Variants in CHFR observed in about 807,000 individuals in gnomAD.
CHFR encodes E3 ubiquitin-protein ligase CHFR.
Under a neutral mutation model 87.6 loss-of-function variants are expected in CHFR, and 57 were observed. The ratio of observed to expected loss-of-function variants is 0.65; its 90% confidence interval spans 0.53 to 0.81. CHFR has a LOEUF of 0.81. Among genes scored for constraint, CHFR ranks in the 30% least tolerant of loss-of-function variants. The pLI, the probability that CHFR is intolerant of heterozygous loss-of-function variation, is 0.00. For missense variants in CHFR, 797 were observed against 865.8 expected (o/e 0.92, Z 1.00); for synonymous variants, 381 against 359.2 (o/e 1.06, Z -0.69).
intron 2 of CHFR, among the ~76,000 whole-genome samples, chr12:132,881,589 C>T (rs34287227): frequency 0.06 from 9,134 of 152,098 alleles, 375 homozygotes; most frequent in East Asian, 0.13. Context: ...GACCACGGGC[C>T]GGGCACGGTG....
At chr12:132,860,006 C>T (rs930123198) in intron 7 of CHFR, among the ~76,000 whole-genome samples, 1 of 152,120 alleles carries the variant, frequency 6.6e-6, no homozygotes. Context: ...GACTGCACCA[C>T]GGCGCTCTGG....
chr12:132,872,189 C>G, intron 4 of CHFR, 96 bp downstream of exon 4: 2 of 758,132 alleles, frequency 2.6e-6, no homozygotes, highest in Non-Finnish European at 4.7e-6. Context: ...AGGAACGTTC[C>G]TATGGGAAGG....
intron 12 of CHFR, among the ~76,000 whole-genome samples, chr12:132,850,322 A>C (rs889737962): frequency 6.6e-6 from 1 of 152,220 alleles, no homozygotes; most frequent in East Asian, 1.9e-4. Context: ...CTTAAGTCTT[A>C]TAACGCCTAC....
In CHFR at chr12:132,861,452, C is replaced by A. The variant is rs576667508; in HGVS notation, c.751+15G>T. 4 of 1,613,316 alleles carry A rather than the reference C, an allele frequency of 2.5e-6. No homozygotes were observed. The highest frequency in any genetic ancestry group is 3.4e-6 in the Non-Finnish European group (4 of 1,179,306). ...CACACGAGAGGACTGAGGACACACA[C>A]AACCAGACACTAACCTCCTCTCATT... is the stretch of plus-strand genomic sequence containing the variant. On this transcript the variant is annotated intron_variant, in intron 7 of 17. Coordinates refer to ENST00000450056, the MANE Select transcript of CHFR (RefSeq NM_001161346.2).
In CHFR at chr12:132,839,445, A is replaced by C. The variant is rs1950673231; in HGVS notation, c.*2109T>G. On this transcript the variant is annotated 3_prime_UTR_variant, in exon 18 of 18. Transcript: ENST00000450056. ...GGCCTCACCCCTGCACAAACTTGGG[A>C]CCTCCCCCTCTCAGCCTCACCCCTG... 1.1e-5 allele frequency: 1 copy of C among 94,712 alleles called. No individual in the cohort carries two copies. The highest frequency in any genetic ancestry group is 2.0e-5 in the Non-Finnish European group (1 of 50,988). The allele number at this position is 94,712 out of a possible 1,614,324, so 5.9% of individuals were successfully genotyped here.
chr12:132,877,550 C>T lies in CHFR; in HGVS notation c.233+5G>A, dbSNP rs758993113. ...AACACCAAAAGAAGCTCAGAACATA[C>T]TCACCTGGTATCTTCCAGTGTCACC... On this transcript the variant is annotated splice_donor_5th_base_variant and intron_variant, in intron 3 of 17. Transcript: ENST00000450056. 6.3e-7 allele frequency: 1 copy of T among 1,591,016 alleles called. No individual in the cohort carries two copies. The highest frequency in any genetic ancestry group is 1.1e-5 in the South Asian group (1 of 89,542).
rs1181547576 is a variant in CHFR at position 132,836,707 on chromosome 12, C to T, written c.*4847G>A. 2.2e-6 allele frequency: 1 copy of T among 456,104 alleles called. No homozygotes were observed. The highest frequency in any genetic ancestry group is 1.5e-5 in the South Asian group (1 of 64,564). 28.3% of individuals were successfully genotyped at this position (456,104 alleles called of 1,614,324 possible). A position where few individuals can be genotyped will look rare whatever the true frequency, so the allele number is the denominator to read the frequency against. On this transcript the variant is annotated 3_prime_UTR_variant, in exon 18 of 18. Coordinates refer to ENST00000450056, the MANE Select transcript of CHFR (RefSeq NM_001161346.2). ...TTAAGACCCCACCATCTAGACTCACCGCCTCAGAAGGAGACAACCGTGAAA... is the reference window on the plus strand; with the variant it reads ...TTAAGACCCCACCATCTAGACTCACTGCCTCAGAAGGAGACAACCGTGAAA...
chr12:132,882,548 G>A (rs1219380665), intron 2 of CHFR, among the ~76,000 whole-genome samples: 1 of 152,096 alleles, frequency 6.6e-6, no homozygotes, highest in Non-Finnish European at 1.5e-5. Flanking sequence ...ACTATTGGAA[G>A]TACTGTATCC....
chr12:132,862,346 A>G (rs1274177364), intron 6 of CHFR: 1 of 410,722 alleles, frequency 2.4e-6, no homozygotes, highest in Non-Finnish European at 4.8e-6. Context: ...TAATCACAAT[A>G]CTTTGGGAGG....
Position 132,848,737 on chromosome 12 carries a change from G to C in CHFR, c.1493-13C>G, listed in dbSNP as rs1182916981. 2 of 1,569,800 alleles carry C rather than the reference G, an allele frequency of 1.3e-6. No individual in the cohort carries two copies. Among genetic ancestry groups the C allele is most frequent in the Non-Finnish European group, 1.7e-6 (2 of 1,156,172 alleles). ...AGGCAGACCGCACCTGTGGAGAGAG[G>C]ACACTCGTTACACGCACTCAGCGCT... On this transcript the variant is annotated splice_polypyrimidine_tract_variant and intron_variant, in intron 12 of 17. Transcript: ENST00000450056.
At chr12:132,854,996 C>G (rs1017997085) in intron 10 of CHFR, 9 of 152,044 alleles carry the variant, frequency 5.9e-5, no homozygotes, top group Non-Finnish European at 8.8e-5. Context: ...AATCCCAGCA[C>G]TTTGAGAGGC....
At chr12:132,850,322 A>G (rs889737962) in intron 12 of CHFR, among the ~76,000 whole-genome samples, 3 of 152,220 alleles carry the variant, frequency 2.0e-5, no homozygotes, top group African/African-American at 4.8e-5. Context: ...CTTAAGTCTT[A>G]TAACGCCTAC....
At chr12:132,867,655 C>T (rs989416196) in intron 6 of CHFR, 4 of 152,146 alleles carry the variant, frequency 2.6e-5, no homozygotes, top group African/African-American at 4.8e-5. Context: ...CCTGTCAGAT[C>T]GAAACACAGC....
At chr12:132,853,087 C>G (rs1950981950) in intron 11 of CHFR, among the ~76,000 whole-genome samples, 1 of 152,192 alleles carries the variant, frequency 6.6e-6, no homozygotes, top group South Asian at 2.1e-4. Context: ...ACTTGAGGGA[C>G]AGATATGCGA....
intron 15 of CHFR, among the ~76,000 whole-genome samples, chr12:132,846,292 T>C (rs973702734): frequency 1.4e-4 from 20 of 146,228 alleles, no homozygotes; most frequent in African/African-American, 4.7e-4. Flanking sequence ...AGACGGAGTC[T>C]CGCTCTGTCC....
chr12:132,837,009 G>A lies in CHFR; in HGVS notation c.*4545C>T. 2.8e-6 allele frequency: 1 copy of A among 354,886 alleles called. No individual in the cohort carries two copies. The highest frequency in any genetic ancestry group is 5.5e-6 in the Non-Finnish European group (1 of 180,742). 22.0% of individuals were successfully genotyped at this position (354,886 alleles called of 1,614,324 possible). A position where few individuals can be genotyped will look rare whatever the true frequency, so the allele number is the denominator to read the frequency against. On this transcript the variant is annotated 3_prime_UTR_variant, in exon 18 of 18. Coordinates refer to ENST00000450056, the MANE Select transcript of CHFR (RefSeq NM_001161346.2). Reference sequence around the variant, plus strand: ...TGGGGGGAAACTAGACTGGCTGGCGGGGTGGGGGCAGCCCTGCAGGAGCTG... The same window carrying A: ...TGGGGGGAAACTAGACTGGCTGGCGAGGTGGGGGCAGCCCTGCAGGAGCTG...
chr12:132,861,538 GTCTT>G lies in CHFR; in HGVS notation c.676_679del (p.Lys226LeufsTer18), dbSNP rs1951209560. The stretch of plus-strand genomic sequence containing the variant: ...GGGTTCCAACGACGAAAAGGACGCA[GTCTT>G]TCTGTCTGGGAGAGCTGAGGCAAAG... On this transcript the variant is annotated frameshift_variant, in exon 7 of 18. Transcript: ENST00000450056. LOFTEE classifies it high-confidence loss of function. The G allele has an allele frequency of 1.2e-6, 2 of 1,614,238 alleles. No homozygotes were observed. The highest frequency in any genetic ancestry group is 2.2e-5 in the East Asian group (1 of 44,886).
At position 132,836,890 on chromosome 12, in the gene CHFR, AAC is replaced by A. The variant is rs1365110869; in HGVS notation, c.*4662_*4663del. On this transcript the variant is annotated 3_prime_UTR_variant, in exon 18 of 18. Coordinates refer to ENST00000450056, the MANE Select transcript of CHFR (RefSeq NM_001161346.2). ...GGCCAAACATTTCAGACAAATAAACAACAGTGGGCAGACAGGCAAGATCCCTG... is the reference window on the plus strand; with the variant it reads ...GGCCAAACATTTCAGACAAATAAACAAGTGGGCAGACAGGCAAGATCCCTG... 1 of 393,346 alleles carries A rather than the reference AAC, an allele frequency of 2.5e-6. No homozygotes were observed. The highest frequency in any genetic ancestry group is 5.0e-6 in the Non-Finnish European group (1 of 198,066). The allele number at this position is 393,346 out of a possible 1,614,324, so 24.4% of individuals were successfully genotyped here.
rs1407335012 is a variant in CHFR at position 132,872,189 on chromosome 12, C to T, written c.343+96G>A. On this transcript the variant is annotated intron_variant, in intron 4 of 17. Transcript: ENST00000450056. ...TGGGGTGTAGCCAGGAGGAACGTTC[C>T]TATGGGAAGGGATGTAGCCAGGAGG... is the stretch of plus-strand genomic sequence containing the variant. 13 of 758,010 alleles carry T rather than the reference C, an allele frequency of 1.7e-5. 1 individual carries two copies. The South Asian group carries it at 1.8e-4, about 11-fold the overall frequency. 47.0% of individuals were successfully genotyped at this position (758,010 alleles called of 1,614,324 possible).
Sources: gnomAD v4.1 joint callset for allele counts (sites outside exome capture counted in the v4.1 genomes callset) on GRCh38, gnomAD v4.1.1 for gene constraint, MANE v1.5 for transcripts, NCBI Gene and HGNC (gene_info 2026-07-23, HGNC 2026-07-21) for gene names.